The following USP49 variants were observed in gnomAD, a reference collection of about 807,000 sequenced individuals.
USP49 encodes the protein ubiquitin specific peptidase 49.
Under a neutral mutation model 58.6 loss-of-function variants are expected in USP49, and 24 were observed. The observed-to-expected ratio is 0.41, with a 90% CI of 0.30 to 0.58. The LOEUF is 0.58. Ranked by LOEUF, USP49 falls within the 20% of genes least tolerant of loss-of-function variation. USP49 has a pLI of 0.30. For synonymous variants in USP49, 408 were observed against 365.1 expected, an observed-to-expected ratio of 1.12 and a Z score of -1.34; for missense variants, 703 against 866.1, an observed-to-expected ratio of 0.81 and a Z score of 2.36.
intron 3 of USP49, among the ~76,000 whole-genome samples, chr6:41,820,454 T>G (rs1272566851): frequency 6.6e-6 from 1 of 152,120 alleles, no homozygotes; most frequent in Non-Finnish European, 1.5e-5. Context: ...ATTAATTTGA[T>G]GTGATAATGG....
At position 41,796,349 on chromosome 6, in the gene USP49, C is replaced by CA. The variant is rs1271325975; in HGVS notation, c.*183dup. 1 of 529,488 alleles carries CA rather than the reference C, an allele frequency of 1.9e-6. No homozygotes were observed. Among genetic ancestry groups the CA allele is most frequent in the African/African-American group, 1.9e-5 (1 of 53,138 alleles). 32.8% of individuals were successfully genotyped at this position (529,488 alleles called of 1,614,324 possible). On this transcript the variant is annotated 3_prime_UTR_variant, in exon 8 of 8. Coordinates refer to ENST00000682992, the MANE Select transcript of USP49 (RefSeq NM_001286554.2). ...TGTTTTTAGGAAAGGAGGGAACTCC[C>CA]AAACTCATTCAAAAGAAAGAGACTA...
intron 3 of USP49, among the ~76,000 whole-genome samples, chr6:41,822,227 C>T (rs1023245095): frequency 6.6e-6 from 1 of 152,166 alleles, no homozygotes; most frequent in Non-Finnish European, 1.5e-5. Context: ...TGGGAATCTC[C>T]CTCCTCCCAT....
In USP49 at chr6:41,803,870, C is replaced by A; in HGVS notation, c.1497G>T (p.Met499Ile). 1 of 1,614,250 alleles carries A rather than the reference C, an allele frequency of 6.2e-7. No homozygotes were observed. Among genetic ancestry groups the A allele is most frequent in the Non-Finnish European group, 8.5e-7 (1 of 1,180,046 alleles). The part of the protein sequence containing the change: ...LNQTECLLTE[M>I]LAKFTETEAL... ...CCTCTGTCTCTGTGAATTTGGCCAGCATCTCAGTGAGCAAGCACTCTGTTT... is the reference window on the plus strand; with the variant it reads ...CCTCTGTCTCTGTGAATTTGGCCAGAATCTCAGTGAGCAAGCACTCTGTTT... Residue 499 changes from methionine to isoleucine, a missense_variant, in exon 5 of 8, where the codon ATG becomes ATT. By Grantham distance (10) the Met-to-Ile change is conservative. Around this residue, in one of 6 missense-constraint regions of USP49, gnomAD observed 158 missense variants for 241.2 expected, o/e 0.66. Coordinates refer to ENST00000682992, the MANE Select transcript of USP49 (RefSeq NM_001286554.2). The surrounding 1 kb of genome is among the most constrained non-coding windows in gnomAD (Gnocchi z 4.1).
At position 41,798,769 on chromosome 6, in the gene USP49, A is replaced by T; in HGVS notation, c.1831T>A (p.Phe611Ile). The change falls in exon 7 of 8, where the codon TTT becomes ATT. Residue 611 changes from phenylalanine (F) to isoleucine (I), a missense_variant. Physicochemically the swap from Phe to Ile is conservative, Grantham distance 21. Coordinates refer to ENST00000682992, the MANE Select transcript of USP49 (RefSeq NM_001286554.2). ...TAGGCTGTGTAGTGTCCTGAGCCAA[A>T]CCCTTTCCCGTGATGCATGACCACT... ...SAVVMHHGKG[F>I]GSGHYTAYCY... The T allele has an allele frequency of 6.2e-7, 1 of 1,614,006 alleles. No individual in the cohort carries two copies. The highest frequency in any genetic ancestry group is 8.5e-7 in the Non-Finnish European group (1 of 1,179,996).
chr6:41,846,068 C>T (rs1245604036), intron 3 of USP49, among the ~76,000 whole-genome samples: 1 of 152,170 alleles, frequency 6.6e-6, no homozygotes, highest in Non-Finnish European at 1.5e-5. Flanking sequence ...GTAATCCCAG[C>T]ACTTTGGGAG....
At chr6:41,880,717 T>G (rs560567286) in intron 2 of USP49, among the ~76,000 whole-genome samples, 6 of 152,210 alleles carry the variant, frequency 3.9e-5, no homozygotes, top group South Asian at 4.2e-4. Context: ...CAAATTTACA[T>G]CTCATGCACC....
At chr6:41,871,083 C>A (rs1200696402) in intron 3 of USP49, among the ~76,000 whole-genome samples, 1 of 151,902 alleles carries the variant, frequency 6.6e-6, no homozygotes, top group Non-Finnish European at 1.5e-5. Flanking sequence ...GAATTCCGGG[C>A]CTCAAGCCAT....
Position 41,796,251 on chromosome 6 carries a change from C to T in USP49, c.*282G>A, listed in dbSNP as rs887924499. ...ATATGATTGATTTACCCCCCCGCCC[C>T]GCTTTCCTCCACCCAGATCCCTCTA... On this transcript the variant is annotated 3_prime_UTR_variant, in exon 8 of 8. Transcript: ENST00000682992. The T allele has an allele frequency of 2.2e-4, 71 of 323,938 alleles. No individual in the cohort carries two copies. In the East Asian group the frequency reaches 3.4e-3, roughly 16 times the overall value. 20.1% of individuals were successfully genotyped at this position (323,938 alleles called of 1,614,324 possible). A position where few individuals can be genotyped will look rare whatever the true frequency, so the allele number is the denominator to read the frequency against.
At chr6:41,895,082 G>A (rs1177877694) in intron 1 of USP49, among the ~76,000 whole-genome samples, 1 of 69,640 alleles carries the variant, frequency 1.4e-5, no homozygotes, top group East Asian at 4.2e-4. Context: ...GCCCCCTGCC[G>A]CCGCTCCTCC....
At chr6:41,799,975 A>G (rs1277254076) in intron 5 of USP49, 37 bp from the exon 6 acceptor site, 1 of 1,589,640 alleles carries the variant, frequency 6.3e-7, no homozygotes, top group South Asian at 1.1e-5. Context: ...ATAGGTTGTG[A>G]GGAGTTTTTT....
chr6:41,880,600 G>A (rs1245283967), intron 2 of USP49, among the ~76,000 whole-genome samples: 1 of 152,128 alleles, frequency 6.6e-6, no homozygotes, highest in Non-Finnish European at 1.5e-5. Flanking sequence ...AGTGATGCCT[G>A]ATAAAGTCAG....
rs34663718 is a variant in USP49 at position 41,865,916 on chromosome 6, C to CTTT, written c.-29+5645_-29+5647dup. ...ACCTCAGCCTTCCAAAGCATGGTGCCTTTTTTTTTTTTTTTTTTTTTTTTT... is the reference window on the plus strand; with the variant it reads ...ACCTCAGCCTTCCAAAGCATGGTGCCTTTTTTTTTTTTTTTTTTTTTTTTTTTT... On this transcript the variant is annotated intron_variant, in intron 3 of 7. Coordinates refer to ENST00000682992, the MANE Select transcript of USP49 (RefSeq NM_001286554.2). Among the ~76,000 whole-genome samples the CTTT allele has an allele frequency of 6.4e-3, 420 of 65,374 alleles. 16 individuals carry two copies. The highest frequency in any genetic ancestry group is 0.019 in the South Asian group (22 of 1,184). The allele number at this position is 65,374 out of a possible 152,430, so 42.9% of individuals were successfully genotyped here. A position where few individuals can be genotyped will look rare whatever the true frequency, so the allele number is the denominator to read the frequency against.
At position 41,843,917 on chromosome 6, in the gene USP49, G is replaced by A. The variant is rs536744398; in HGVS notation, c.-29+27647C>T. Among the ~76,000 whole-genome samples, 9 of 152,280 alleles carry A rather than the reference G, an allele frequency of 5.9e-5. No homozygotes were observed. In the South Asian group the frequency reaches 1.9e-3, roughly 32 times the overall value. ...AAATTAGCCATGCCTGGTGGCGGGTGCGTGTAATCCCAGTTACTCAGGAGG... is the reference window on the plus strand; with the variant it reads ...AAATTAGCCATGCCTGGTGGCGGGTACGTGTAATCCCAGTTACTCAGGAGG... On this transcript the variant is annotated intron_variant, in intron 3 of 7. Transcript: ENST00000682992.
At chr6:41,846,353 G>A (rs896191039) in intron 3 of USP49, among the ~76,000 whole-genome samples, 1 of 152,018 alleles carries the variant, frequency 6.6e-6, no homozygotes, top group African/African-American at 2.4e-5. Flanking sequence ...ATCATTAGAG[G>A]AGTGATATCA....
chr6:41,874,285 T>G (rs1287557848), intron 2 of USP49: 2 of 152,224 alleles, frequency 1.3e-5, no homozygotes, highest in Non-Finnish European at 2.9e-5. Context: ...ACCAGTGCAC[T>G]GCCTGGCACA....
chr6:41,844,707 C>T (rs1323153825), intron 3 of USP49, among the ~76,000 whole-genome samples: 1 of 152,128 alleles, frequency 6.6e-6, no homozygotes, highest in Non-Finnish European at 1.5e-5. Flanking sequence ...ACACAATTAC[C>T]AACTACAGTG....
rs769763039 is a variant in USP49 at position 41,806,282 on chromosome 6, T to C, written c.702A>G (p.Arg234=). ...GCAGCTTGAGTGTGGCGGCGGGCAC[T>C]CTGCGTGAGGTAGGGAGGGCGGCGG... ...SRPAALPTSR[R]VPAATLKLRR... is the part of the protein sequence containing the mutation. Residue 234 remains arginine (R), a synonymous_variant, in exon 4 of 8, where the codon AGA becomes AGG. Transcript: ENST00000682992. The surrounding 1 kb of genome is among the most constrained non-coding windows in gnomAD (Gnocchi z 5.9). 1.2e-6 allele frequency: 2 copies of C among 1,602,312 alleles called. No homozygotes were observed. Among genetic ancestry groups the C allele is most frequent in the South Asian group, 2.2e-5 (2 of 90,946 alleles).
At chr6:41,859,158 A>T (rs891817937) in intron 3 of USP49, among the ~76,000 whole-genome samples, 12 of 151,888 alleles carry the variant, frequency 7.9e-5, no homozygotes, top group African/African-American at 2.9e-4. Context: ...GAAAGTCCAA[A>T]CTCCTTAACA....
intron 3 of USP49, among the ~76,000 whole-genome samples, chr6:41,812,816 C>T (rs574681517): frequency 3.1e-4 from 47 of 152,290 alleles, no homozygotes; most frequent in Non-Finnish European, 4.7e-4. Flanking sequence ...TCCAACAGAA[C>T]TTTCTGCAAT....
Sources: allele counts gnomAD v4.1 joint callset (sites outside exome capture counted in the v4.1 genomes callset), GRCh38; gene constraint gnomAD v4.1.1; regional missense constraint gnomAD v4.1.1; non-coding constraint Gnocchi (gnomAD v3.1); transcripts MANE v1.5; gene names NCBI Gene and HGNC (gene_info 2026-07-23, HGNC 2026-07-21).